Variants in DAGLB observed in about 807,000 individuals in gnomAD.
DAGLB encodes the protein diacylglycerol lipase-beta.
A neutral mutation model predicts 72.1 loss-of-function variants in DAGLB; 66 were observed. The observed-to-expected ratio is 0.92, with a 90% confidence interval of 0.75 to 1.12. The LOEUF (loss-of-function observed/expected upper bound fraction) is 1.12, where lower values mean the gene tolerates loss of function less well. DAGLB is among the 50% of genes most tolerant of loss of function. The pLI, the probability that DAGLB is intolerant of heterozygous loss-of-function variation, is 0.00. For missense variants in DAGLB, 1,065 were observed against 884.9 expected, an observed-to-expected ratio of 1.20 and a Z score of -2.58; for synonymous variants, 414 against 359.5, an observed-to-expected ratio of 1.15 and a Z score of -1.71.
rs755785871 is a variant in DAGLB, at chr7:6,410,318, G to A, written c.1632C>T (p.Pro544=). ...CCTGGTCGCCCCCGTCCAGCTCCGTGGGCAAGTTGTTGGGGTTTCCTCCAA... is the reference window on the plus strand; with the variant it reads ...CCTGGTCGCCCCCGTCCAGCTCCGTAGGCAAGTTGTTGGGGTTTCCTCCAA... ...ELFGGNPNNL[P]TELDGGDQEV... is the part of the protein sequence containing the mutation. Residue 544 remains proline, a synonymous_variant, in exon 14 of 15, where the codon CCC becomes CCT. Coordinates refer to ENST00000297056, the MANE Select transcript of DAGLB (RefSeq NM_139179.4). The A allele has an allele frequency of 1.2e-6, 2 of 1,614,116 alleles. No homozygotes were observed. The highest frequency in any genetic ancestry group is 2.2e-5 in the South Asian group (2 of 91,072).
intron 4 of DAGLB, among the ~76,000 whole-genome samples, chr7:6,434,278 G>A (rs1415320668): frequency 1.3e-5 from 2 of 151,420 alleles, no homozygotes; most frequent in African/African-American, 4.9e-5. Flanking sequence ...GGAAGAACTC[G>A]CTCTAGAATG....
In DAGLB at chr7:6,410,202, G is replaced by C. The variant is rs145984096; in HGVS notation, c.1748C>G (p.Ser583Cys). The C allele has an allele frequency of 2.5e-4, 406 of 1,604,892 alleles. 3 individuals are homozygous for C. In the South Asian group the frequency reaches 4.3e-3, roughly 17 times the overall value. Reference sequence around the variant, plus strand: ...GTAGAGAGGGGGGTACTTGGGAGAAGAGTCCAGTGGGGAGTCGCTGGAGAA... The same window carrying C: ...GTAGAGAGGGGGGTACTTGGGAGAACAGTCCAGTGGGGAGTCGCTGGAGAA... ...YSFSSDSPLD[S>C]SPKYPPLYPP... The change falls in exon 14 of 15, where the codon TCT (serine) becomes TGT (cysteine). Residue 583 changes from serine (S) to cysteine (C), a missense_variant. Coordinates refer to ENST00000297056, the MANE Select transcript of DAGLB (RefSeq NM_139179.4).
intron 6 of DAGLB, among the ~76,000 whole-genome samples, chr7:6,429,335 C>A (rs1024321148): frequency 6.6e-6 from 1 of 151,964 alleles, no homozygotes; most frequent in African/African-American, 2.4e-5. Context: ...AATATCTGCA[C>A]TGTCCTCTTC....
chr7:6,418,874 C>G (rs1784010888), intron 9 of DAGLB, among the ~76,000 whole-genome samples: 1 of 151,792 alleles, frequency 6.6e-6, no homozygotes, highest in Non-Finnish European at 1.5e-5. Context: ...CCGTGTTAGC[C>G]AGGATGGTCT....
At chr7:6,444,635 G>C (rs1784938379) in intron 2 of DAGLB, among the ~76,000 whole-genome samples, 1 of 152,006 alleles carries the variant, frequency 6.6e-6, no homozygotes, top group East Asian at 1.9e-4. Context: ...AGGATCAATA[G>C]CCTAGTCTAA....
rs1184043133 is a variant in DAGLB, at chr7:6,422,356, G to A, written c.1141-552C>T. 9 of 243,344 alleles carry A rather than the reference G, an allele frequency of 3.7e-5. No individual in the cohort carries two copies. In the Admixed American group the frequency reaches 4.6e-4, roughly 12 times the overall value. 15.1% of individuals were successfully genotyped at this position (243,344 alleles called of 1,614,324 possible). A position where few individuals can be genotyped will look rare whatever the true frequency, so the allele number is the denominator to read the frequency against. ...GGCGTCCTCCCAACAGGGGCAGCAG[G>A]ACCCGCTGGCTGGGGCCCTGGGCAC... is the stretch of plus-strand genomic sequence containing the variant. On this transcript the variant is annotated intron_variant, in intron 8 of 14. Transcript: ENST00000297056.
intron 2 of DAGLB, among the ~76,000 whole-genome samples, chr7:6,442,428 CACAA>C (rs1043362349): frequency 4.0e-5 from 6 of 151,872 alleles, no homozygotes; most frequent in Admixed American, 3.3e-4. Flanking sequence ...AATATCTCAA[CACAA>C]ACAAACATGT....
At chr7:6,414,724 C>G (rs368057462) in intron 11 of DAGLB, among the ~76,000 whole-genome samples, 6 of 152,224 alleles carry the variant, frequency 3.9e-5, no homozygotes, top group East Asian at 3.9e-4. Flanking sequence ...GTAATGAGAA[C>G]TACCAGTGCC....
chr7:6,430,062 G>A (rs781072067), intron 6 of DAGLB, among the ~76,000 whole-genome samples: 4 of 149,278 alleles, frequency 2.7e-5, no homozygotes, highest in Non-Finnish European at 4.5e-5. Context: ...AAAATTAGCC[G>A]GGCATGGTGG....
chr7:6,432,890 T>G lies in DAGLB; in HGVS notation c.748A>C (p.Arg250=). The change falls in exon 5 of 15, where the codon AGG becomes CGG. Residue 250 remains arginine, a synonymous_variant. Coordinates refer to ENST00000297056, the MANE Select transcript of DAGLB (RefSeq NM_139179.4). ...ACCTGGGCAGGCTCTTGGTTGTTCC[T>G]GATATTGTCCTGTTGCTGATGAAGC... The part of the protein sequence containing the change: ...ALLHQQQDNI[R]NNQEPAQVVC... 6.2e-7 allele frequency: 1 copy of G among 1,613,926 alleles called. No individual in the cohort carries two copies. The highest frequency in any genetic ancestry group is 8.5e-7 in the Non-Finnish European group (1 of 1,180,016).
intron 1 of DAGLB, among the ~76,000 whole-genome samples, chr7:6,447,507 CCT>C (rs1330692898): frequency 8.5e-5 from 13 of 152,202 alleles, no homozygotes; most frequent in Non-Finnish European, 1.5e-5. Flanking sequence ...TTCGAAACCC[CCT>C]GTTTGTCCCC....
chr7:6,447,684 G>A, intron 1 of DAGLB, 64 bp downstream of exon 1: 1 of 1,554,046 alleles, frequency 6.4e-7, no homozygotes, highest in Non-Finnish European at 8.7e-7. Flanking sequence ...ACCGTCTCAA[G>A]GGACAGCTCG....
intron 13 of DAGLB, among the ~76,000 whole-genome samples, chr7:6,411,576 G>A (rs1356487088): frequency 2.6e-5 from 4 of 152,148 alleles, no homozygotes; most frequent in Non-Finnish European, 5.9e-5. Context: ...TGCCGAGACT[G>A]CGCCACTGCA....
chr7:6,447,235 T>C (rs1379582043), intron 1 of DAGLB, among the ~76,000 whole-genome samples: 1 of 152,154 alleles, frequency 6.6e-6, no homozygotes, highest in Non-Finnish European at 1.5e-5. Flanking sequence ...ATTCCACACT[T>C]TGAAAGACAA....
At chr7:6,430,248 T>C (rs1261764219) in intron 6 of DAGLB, among the ~76,000 whole-genome samples, 2 of 89,742 alleles carry the variant, frequency 2.2e-5, no homozygotes, top group Non-Finnish European at 4.0e-5. Flanking sequence ...AAAATACATG[T>C]GCATATATAT....
At chr7:6,431,531 G>A (rs836530) in intron 5 of DAGLB, among the ~76,000 whole-genome samples, 10,625 of 152,252 alleles carry the variant, frequency 0.07, 736 homozygotes, top group African/African-American at 0.18. Context: ...CAGCACTTTG[G>A]GGGGCCAAGG....
Position 6,437,669 on chromosome 7 carries a change from G to A in DAGLB, c.248-1136C>T, listed in dbSNP as rs573624125. Among the ~76,000 whole-genome samples the A allele has an allele frequency of 2.6e-5, 4 of 151,906 alleles. No individual in the cohort carries two copies. In the South Asian group the frequency reaches 8.4e-4, roughly 32 times the overall value. ...GTTAATTTTTGTTTTTGTTTTTTTA[G>A]ATGGAGTCTCACTCTGTCGCCCAGG... On this transcript the variant is annotated intron_variant, in intron 2 of 14. Coordinates refer to ENST00000297056, the MANE Select transcript of DAGLB (RefSeq NM_139179.4).
intron 6 of DAGLB, among the ~76,000 whole-genome samples, chr7:6,429,466 A>T (rs1192673860): frequency 6.6e-6 from 1 of 151,788 alleles, no homozygotes; most frequent in Non-Finnish European, 1.5e-5. Flanking sequence ...ATTGCTAAAA[A>T]GGGTATTACT....
intron 8 of DAGLB, among the ~76,000 whole-genome samples, chr7:6,424,515 CG>C (rs1246453835): frequency 6.6e-6 from 1 of 152,178 alleles, no homozygotes; most frequent in South Asian, 2.1e-4. Context: ...GCTCCTGTGG[CG>C]GGGGGGCCAA....
Sources: allele counts gnomAD v4.1 joint callset (sites outside exome capture counted in the v4.1 genomes callset), GRCh38; gene constraint gnomAD v4.1.1; transcripts MANE v1.5; gene names NCBI Gene and HGNC (gene_info 2026-07-23, HGNC 2026-07-21).